The following AGMO variants were observed in gnomAD, a reference collection of about 807,000 sequenced individuals.
AGMO encodes alkylglycerol monooxygenase.
Under a neutral mutation model 60.2 loss-of-function variants are expected in AGMO, and 75 were observed. The ratio of observed to expected loss-of-function variants is 1.25; its 90% CI spans 1.03 to 1.51. The LOEUF is 1.51. Ranked by LOEUF, AGMO falls within the 40% of genes most tolerant of loss-of-function variation. The probability of loss-of-function intolerance (pLI) is 0.00; values close to 1 mark genes in which losing one functional copy is unlikely to be tolerated. For missense variants in AGMO, 763 were observed against 525.5 expected (o/e 1.45, Z -4.42); for synonymous variants, 261 against 177.1 (o/e 1.47, Z -3.76).
intron 3 of AGMO, among the ~76,000 whole-genome samples, chr7:15,476,796 G>C (rs1263973828): frequency 6.6e-6 from 1 of 152,088 alleles, no homozygotes; most frequent in Non-Finnish European, 1.5e-5. Context: ...GTTTGTATCA[G>C]TTGAAGGACT....
At chr7:15,426,519 C>G (rs1781066948) in intron 4 of AGMO, among the ~76,000 whole-genome samples, 1 of 152,070 alleles carries the variant, frequency 6.6e-6, no homozygotes, top group African/African-American at 2.4e-5. Context: ...GGGGCTGAGG[C>G]AGGCGGATCA....
chr7:15,540,877 G>A (rs1396386690), intron 3 of AGMO, among the ~76,000 whole-genome samples: 1 of 152,068 alleles, frequency 6.6e-6, no homozygotes, highest in Non-Finnish European at 1.5e-5. Flanking sequence ...TAAATTTTAA[G>A]TGTACAACCA....
At chr7:15,255,140 T>A (rs1783057777) in intron 12 of AGMO, among the ~76,000 whole-genome samples, 2 of 151,996 alleles carry the variant, frequency 1.3e-5, no homozygotes, top group African/African-American at 4.8e-5. Flanking sequence ...TTCCCACTCA[T>A]AAGTGGAAGC....
intron 12 of AGMO, among the ~76,000 whole-genome samples, chr7:15,315,262 C>A (rs1162173923): frequency 3.0e-5 from 4 of 135,144 alleles, no homozygotes; most frequent in Non-Finnish European, 4.7e-5. Context: ...CTAATACATA[C>A]AACAAAATTT....
the AGMO span, among the ~76,000 whole-genome samples, chr7:15,151,689 T>C: frequency 2.0e-5 from 3 of 152,274 alleles, no homozygotes; most frequent in East Asian, 5.8e-4. Flanking sequence ...AGGATTTGGG[T>C]CTTTTTAAAA....
intron 3 of AGMO, among the ~76,000 whole-genome samples, chr7:15,502,670 A>G (rs1237820070): frequency 3.9e-5 from 6 of 152,062 alleles, no homozygotes; most frequent in Non-Finnish European, 8.8e-5. Flanking sequence ...TCAGTTTGGC[A>G]ACTAAGATGA....
chr7:15,173,316 C>T, the AGMO span, among the ~76,000 whole-genome samples: 3 of 152,024 alleles, frequency 2.0e-5, no homozygotes, highest in Non-Finnish European at 4.4e-5. Flanking sequence ...AAAACAAAAA[C>T]AAAGCCCAAA....
rs981881508 is a variant in AGMO at position 15,394,959 on chromosome 7, T to C, written c.610-780A>G. Among the ~76,000 whole-genome samples the C allele has an allele frequency of 2.0e-5, 3 of 152,334 alleles. No individual in the cohort carries two copies. The East Asian group carries it at 5.8e-4, about 29-fold the overall frequency. ...TCTTAGATTCCCCTAGTTCTGAGTCTATAAATTCTAAAAATCATAGAAACC... is the reference window on the plus strand; with the variant it reads ...TCTTAGATTCCCCTAGTTCTGAGTCCATAAATTCTAAAAATCATAGAAACC... On this transcript the variant is annotated intron_variant, in intron 5 of 12. Coordinates refer to ENST00000342526, the MANE Select transcript of AGMO (RefSeq NM_001004320.2).
chr7:15,474,233 A>G (rs548916899), intron 3 of AGMO, among the ~76,000 whole-genome samples: 13 of 152,154 alleles, frequency 8.5e-5, no homozygotes, highest in Non-Finnish European at 1.3e-4. Flanking sequence ...AAAAGAGCCC[A>G]TATAGCCAAG....
chr7:15,484,554 T>A (rs1282032937), intron 3 of AGMO, among the ~76,000 whole-genome samples: 1 of 152,160 alleles, frequency 6.6e-6, no homozygotes, highest in Non-Finnish European at 1.5e-5. Flanking sequence ...TTTGTATATA[T>A]GCCATACTTC....
chr7:15,248,222 A>ATATATATATCTATATCTATC (rs1554401294), intron 12 of AGMO, among the ~76,000 whole-genome samples: 1 of 104,198 alleles, frequency 9.6e-6, no homozygotes, highest in Non-Finnish European at 2.0e-5. Context: ...ATATATATAT[A>ATATATATATCTATATCTATC]TATCTTCATC....
the AGMO span, among the ~76,000 whole-genome samples, chr7:15,167,481 G>T: frequency 1.3e-5 from 2 of 152,112 alleles, no homozygotes; most frequent in African/African-American, 4.8e-5. Flanking sequence ...AAAAAACCAG[G>T]TGACTACATT....
intron 12 of AGMO, among the ~76,000 whole-genome samples, chr7:15,254,242 A>T (rs1399449915): frequency 6.6e-6 from 1 of 152,036 alleles, no homozygotes; most frequent in Non-Finnish European, 1.5e-5. Flanking sequence ...TTTCTTTTCA[A>T]TATTTACACA....
At chr7:15,240,532 T>A (rs1202704445) in intron 12 of AGMO, among the ~76,000 whole-genome samples, 1 of 152,174 alleles carries the variant, frequency 6.6e-6, no homozygotes, top group Non-Finnish European at 1.5e-5. Context: ...TAAAGACTGA[T>A]CTTTAGTATC....
chr7:15,312,152 G>T (rs1003503925), intron 12 of AGMO, among the ~76,000 whole-genome samples: 3 of 152,046 alleles, frequency 2.0e-5, no homozygotes, highest in African/African-American at 7.2e-5. Context: ...TAACAAACAT[G>T]TAATTAGAGT....
chr7:15,303,656 A>C (rs1028490288), intron 12 of AGMO, among the ~76,000 whole-genome samples: 1 of 152,168 alleles, frequency 6.6e-6, no homozygotes, highest in Non-Finnish European at 1.5e-5. Flanking sequence ...CTGCCATAAA[A>C]GAATGTGAGG....
chr7:15,117,473 A>G, the AGMO span, among the ~76,000 whole-genome samples: 7 of 152,036 alleles, frequency 4.6e-5, no homozygotes, highest in Non-Finnish European at 8.8e-5. Context: ...TTTAATTCTA[A>G]AAAGAATAAA....
chr7:15,293,733 G>T (rs1373528445), intron 12 of AGMO, among the ~76,000 whole-genome samples: 1 of 152,158 alleles, frequency 6.6e-6, no homozygotes, highest in Non-Finnish European at 1.5e-5. Flanking sequence ...GTGTGGTTAA[G>T]CAGTACTCGG....
the AGMO span, among the ~76,000 whole-genome samples, chr7:15,188,344 C>T: frequency 6.6e-6 from 1 of 152,152 alleles, no homozygotes; most frequent in Non-Finnish European, 1.5e-5. Context: ...GTGAGGATCA[C>T]ATGAGTTAGT....
Sources: gnomAD v4.1 joint callset for allele counts (sites outside exome capture counted in the v4.1 genomes callset) on GRCh38, gnomAD v4.1.1 for gene constraint, MANE v1.5 for transcripts, NCBI Gene and HGNC (gene_info 2026-07-23, HGNC 2026-07-21) for gene names.